Variants in HECW2 observed in about 807,000 individuals in gnomAD.
The protein encoded by HECW2 is E3 ubiquitin-protein ligase HECW2.
Under a neutral mutation model 175.2 loss-of-function variants are expected in HECW2, and 61 were observed. That is an observed-to-expected ratio of 0.35 (90% CI 0.28 to 0.43). HECW2 has a LOEUF of 0.43. Among genes scored for constraint, HECW2 ranks in the 20% least tolerant of loss-of-function variants. The pLI, the probability that HECW2 is intolerant of heterozygous loss-of-function variation, is 1.00. For missense variants in HECW2, 1,524 were observed against 2,000.5 expected (o/e 0.76, Z 4.54); for synonymous variants, 671 against 731.0 (o/e 0.92, Z 1.32).
At position 196,319,168 on chromosome 2, in the gene HECW2, A is replaced by G; in HGVS notation, c.1722T>C (p.Asp574=). The part of the protein sequence containing the change: ...SAELCGSQEV[D]QPTSGADTGT... ...CTGTGTCTGCGCCACTTGTGGGCTG[A>G]TCTACCTCTTGAGAGCCACACAGTT... Residue 574 remains aspartate, a synonymous_variant, in exon 9 of 29, where the codon GAT becomes GAC. Coordinates refer to ENST00000644978, the MANE Select transcript of HECW2 (RefSeq NM_001348768.2). 1.3e-6 allele frequency: 2 copies of G among 1,595,490 alleles called. No individual in the cohort carries two copies. The highest frequency in any genetic ancestry group is 8.5e-7 in the Non-Finnish European group (1 of 1,169,998).
chr2:196,231,092 C>CAAAAAAAAAAAAAAAAAAAA lies in HECW2; in HGVS notation c.3765-2858_3765-2839dup, dbSNP rs10653412. 3.6e-5 allele frequency among the ~76,000 whole-genome samples: 2 copies of CAAAAAAAAAAAAAAAAAAAA among 55,338 alleles called. 1 individual carries two copies. The highest frequency in any genetic ancestry group is 5.9e-5 in the Non-Finnish European group (2 of 33,948). 36.3% of individuals were successfully genotyped at this position (55,338 alleles called of 152,430 possible). ...CTGGCGACAGAGCAGGACTCCGTCT[C>CAAAAAAAAAAAAAAAAAAAA]AAAAAAAAAAAAAAAAAAAAAAAAG... is the stretch of plus-strand genomic sequence containing the variant. On this transcript the variant is annotated intron_variant, in intron 21 of 28. Coordinates refer to ENST00000644978, the MANE Select transcript of HECW2 (RefSeq NM_001348768.2).
chr2:196,466,784 G>A (rs17183875), intron 1 of HECW2, among the ~76,000 whole-genome samples: 11,639 of 152,328 alleles, frequency 0.076, 526 homozygotes, highest in Middle Eastern at 0.14. Flanking sequence ...AGGTGAGCTA[G>A]AAATGGGCTT....
intron 1 of HECW2, among the ~76,000 whole-genome samples, chr2:196,589,201 A>T (rs954031500): frequency 3.3e-5 from 5 of 152,284 alleles, no homozygotes; most frequent in South Asian, 2.1e-4. Flanking sequence ...CCTGTCTCAA[A>T]AAATAAATAA....
intron 2 of HECW2, among the ~76,000 whole-genome samples, chr2:196,404,973 C>T (rs6744838): frequency 0.92 from 137,548 of 149,994 alleles, 63,581 homozygotes; most frequent in East Asian, 1. Flanking sequence ...TACAGGTGTC[C>T]GCCACCACTC....
intron 21 of HECW2, chr2:196,239,571 T>A (rs1575274957): frequency 1.3e-5 from 2 of 152,300 alleles, no homozygotes; most frequent in South Asian, 4.1e-4. Flanking sequence ...TTCCCAGGCA[T>A]GACTGAGAGG....
At chr2:196,335,924 T>C (rs1692533870) in intron 3 of HECW2, among the ~76,000 whole-genome samples, 1 of 152,042 alleles carries the variant, frequency 6.6e-6, no homozygotes, top group East Asian at 1.9e-4. Flanking sequence ...GAGATGCCAA[T>C]CACAGGCATG....
At chr2:196,486,404 G>A (rs1020559918) in intron 1 of HECW2, among the ~76,000 whole-genome samples, 1 of 152,096 alleles carries the variant, frequency 6.6e-6, no homozygotes, top group Non-Finnish European at 1.5e-5. Context: ...GAACAGGGAG[G>A]GTGGCCAAGC....
At chr2:196,275,588 C>A (rs1332976406) in intron 15 of HECW2, among the ~76,000 whole-genome samples, 1 of 152,074 alleles carries the variant, frequency 6.6e-6, no homozygotes, top group Non-Finnish European at 1.5e-5. Flanking sequence ...CCCATCTCTA[C>A]TAAAAATACA....
At chr2:196,440,397 C>T (rs1200167426) in intron 1 of HECW2, among the ~76,000 whole-genome samples, 1 of 151,930 alleles carries the variant, frequency 6.6e-6, no homozygotes, top group Non-Finnish European at 1.5e-5. Flanking sequence ...TAACTTTTCC[C>T]TTATAGGAAA....
intron 1 of HECW2, among the ~76,000 whole-genome samples, chr2:196,435,455 T>C (rs1695841217): frequency 6.6e-6 from 1 of 152,178 alleles, no homozygotes; most frequent in South Asian, 2.1e-4. Context: ...TAACACATTG[T>C]AGTTGAATAA....
chr2:196,545,875 T>C (rs191092778), intron 1 of HECW2, among the ~76,000 whole-genome samples: 5 of 152,302 alleles, frequency 3.3e-5, no homozygotes, highest in African/African-American at 1.2e-4. Flanking sequence ...ACTCAATTCC[T>C]CCAAATTAAA....
At chr2:196,579,150 A>G (rs1435042097) in intron 1 of HECW2, among the ~76,000 whole-genome samples, 1 of 151,506 alleles carries the variant, frequency 6.6e-6, no homozygotes, top group Admixed American at 6.6e-5. Context: ...TTTTAAGTAA[A>G]GAAGTTAATT....
intron 21 of HECW2, among the ~76,000 whole-genome samples, chr2:196,232,380 C>T (rs1296791635): frequency 6.6e-6 from 1 of 152,190 alleles, no homozygotes; most frequent in African/African-American, 2.4e-5. Context: ...TAGTCTGTAA[C>T]TACACTGGGG....
At chr2:196,293,523 T>C (rs1439729882) in intron 13 of HECW2, among the ~76,000 whole-genome samples, 1 of 152,164 alleles carries the variant, frequency 6.6e-6, no homozygotes, top group Non-Finnish European at 1.5e-5. Context: ...TACCTAGTAA[T>C]GGGATTGCTG....
At chr2:196,568,879 G>C (rs1690277780) in intron 1 of HECW2, among the ~76,000 whole-genome samples, 2 of 152,324 alleles carry the variant, frequency 1.3e-5, no homozygotes, top group South Asian at 4.1e-4. Flanking sequence ...GGTCGCTGTA[G>C]CATCCCCAGC....
chr2:196,269,518 A>AAAAAAAAAAAAC (rs1689648013), intron 17 of HECW2: 1 of 150,974 alleles, frequency 6.6e-6, no homozygotes, highest in African/African-American at 2.4e-5. Context: ...AAAAAAAAAA[A>AAAAAAAAAAAAC]AAAGACATGA....
chr2:196,441,381 A>AACACACACAC (rs35019279), intron 1 of HECW2, among the ~76,000 whole-genome samples: 194 of 151,264 alleles, frequency 1.3e-3, no homozygotes, highest in African/African-American at 4.2e-3. Flanking sequence ...CACACACACA[A>AACACACACAC]ACACACACAC....
chr2:196,323,286 A>G (rs1018846252), intron 6 of HECW2, among the ~76,000 whole-genome samples: 1 of 152,240 alleles, frequency 6.6e-6, no homozygotes, highest in Non-Finnish European at 1.5e-5. Flanking sequence ...TCGGACATTA[A>G]TAAGGATATA....
At chr2:196,344,722 C>T (rs887413547) in intron 2 of HECW2, among the ~76,000 whole-genome samples, 1 of 152,112 alleles carries the variant, frequency 6.6e-6, no homozygotes, top group African/African-American at 2.4e-5. Context: ...GCTCTTAATG[C>T]CAGATGTACC....
Sources: gnomAD v4.1 joint callset for allele counts (sites outside exome capture counted in the v4.1 genomes callset) on GRCh38, gnomAD v4.1.1 for gene constraint, MANE v1.5 for transcripts, NCBI Gene and HGNC (gene_info 2026-07-23, HGNC 2026-07-21) for gene names.